SLC9D1: variants seen among roughly 807,000 people sequenced by gnomAD.
The protein encoded by SLC9D1 is putative LAG1-interacting protein.
the SLC9D1 span, chr13:113,498,746 A>G: frequency 3.3e-5 from 13 of 390,388 alleles, no homozygotes; most frequent in East Asian, 7.7e-4. Flanking sequence ...TCCCCTCCTC[A>G]GCAGCTTGTC....
the SLC9D1 span, among the ~76,000 whole-genome samples, chr13:113,517,141 G>A: frequency 2.6e-5 from 4 of 152,218 alleles, no homozygotes; most frequent in African/African-American, 9.6e-5. Flanking sequence ...CCAGGCAAGA[G>A]GCCAGGAGTG....
chr13:113,495,711 A>T, the SLC9D1 span: 29 of 1,613,320 alleles, frequency 1.8e-5, no homozygotes, highest in Non-Finnish European at 2.2e-5. Context: ...GGTGGCTGCC[A>T]TGCAGAGCCG....
chr13:113,518,135 A>G, the SLC9D1 span, among the ~76,000 whole-genome samples: 403 of 152,370 alleles, frequency 2.6e-3, 2 homozygotes, highest in Non-Finnish European at 3.6e-3. Flanking sequence ...GAAAGATGAC[A>G]ATAGTGAAAG....
chr13:113,504,512 A>G, the SLC9D1 span: 1 of 152,182 alleles, frequency 6.6e-6, no homozygotes, highest in African/African-American at 2.4e-5. Context: ...CCAAGTCCGC[A>G]GAGTCCAGTG....
chr13:113,549,488 G>C, the SLC9D1 span: 1 of 1,614,166 alleles, frequency 6.2e-7, no homozygotes, highest in East Asian at 2.2e-5. Context: ...GCTGTGGAGA[G>C]CTGCAATCAC....
chr13:113,547,120 C>T, the SLC9D1 span: 10 of 599,420 alleles, frequency 1.7e-5, no homozygotes, highest in Middle Eastern at 4.1e-4. Flanking sequence ...GGCTTTTCCC[C>T]GGTTCGCTCA....
At chr13:113,539,502 C>T in the SLC9D1 span, 1 of 1,611,826 alleles carries the variant, frequency 6.2e-7, no homozygotes, top group Non-Finnish European at 8.5e-7. The surrounding 1 kb of genome is among the most constrained non-coding windows in gnomAD (Gnocchi z 4.8). Flanking sequence ...TTCTTCGCCT[C>T]CATAGGTAAT....
At chr13:113,499,488 A>G in the SLC9D1 span, among the ~76,000 whole-genome samples, 256 of 152,298 alleles carry the variant, frequency 1.7e-3, no homozygotes, top group African/African-American at 5.9e-3. Flanking sequence ...ATAGAAAATG[A>G]TCTTCATCTC....
chr13:113,512,242 G>A, the SLC9D1 span, among the ~76,000 whole-genome samples: 1 of 141,710 alleles, frequency 7.1e-6, no homozygotes, highest in South Asian at 2.3e-4. Flanking sequence ...CGCGGGGGCC[G>A]GGACTGGAGA....
At chr13:113,498,688 C>T in the SLC9D1 span, 2 of 550,312 alleles carry the variant, frequency 3.6e-6, no homozygotes, top group South Asian at 2.7e-5. Context: ...TAGAAGTAAG[C>T]TAATTATCTT....
At chr13:113,508,301 A>G in the SLC9D1 span, among the ~76,000 whole-genome samples, 1 of 152,224 alleles carries the variant, frequency 6.6e-6, no homozygotes, top group African/African-American at 2.4e-5. Context: ...CCTCAACTCC[A>G]TGTGTCCCTT....
the SLC9D1 span, among the ~76,000 whole-genome samples, chr13:113,525,809 G>A: frequency 4.0e-5 from 6 of 148,908 alleles, no homozygotes; most frequent in African/African-American, 1.0e-4. Context: ...ACAAGCCATC[G>A]TCGTCGTAGG....
the SLC9D1 span, among the ~76,000 whole-genome samples, chr13:113,532,238 G>A: frequency 3.3e-5 from 5 of 152,306 alleles, no homozygotes; most frequent in South Asian, 2.1e-4. Context: ...CAAGACATCC[G>A]CAGCAGGGAA....
chr13:113,531,086 G>C, the SLC9D1 span, among the ~76,000 whole-genome samples: 1 of 152,222 alleles, frequency 6.6e-6, no homozygotes, highest in Non-Finnish European at 1.5e-5. Flanking sequence ...GGCTCCCTTA[G>C]TGAGCACCCA....
the SLC9D1 span, among the ~76,000 whole-genome samples, chr13:113,533,658 C>T: frequency 0.013 from 2,002 of 152,296 alleles, 31 homozygotes; most frequent in Non-Finnish European, 0.017. Flanking sequence ...CGCTGGAGTT[C>T]GTCCATCAGG....
the SLC9D1 span, chr13:113,504,994 G>A: frequency 2.2e-4 from 34 of 152,120 alleles, no homozygotes; most frequent in African/African-American, 7.7e-4. Flanking sequence ...TTTTGGTTAC[G>A]GCCATTCTTG....
At chr13:113,502,015 G>T in the SLC9D1 span, 1 of 713,392 alleles carries the variant, frequency 1.4e-6, no homozygotes, top group Non-Finnish European at 2.3e-6. Flanking sequence ...TGTCCTTTCA[G>T]GTGTCACGGG....
At chr13:113,501,527 C>A in the SLC9D1 span, among the ~76,000 whole-genome samples, 1 of 152,136 alleles carries the variant, frequency 6.6e-6, no homozygotes, top group African/African-American at 2.4e-5. Context: ...TGACTGTAAT[C>A]TTTAGGCCAT....
At chr13:113,511,750 C>T in the SLC9D1 span, 1 of 152,326 alleles carries the variant, frequency 6.6e-6, no homozygotes, top group Admixed American at 6.5e-5. Context: ...ATGAAAACAG[C>T]TCCTAGTTTA....
Sources: gnomAD v4.1 joint callset for allele counts (sites outside exome capture counted in the v4.1 genomes callset) on GRCh38, gnomAD v4.1.1 for gene constraint, Gnocchi (gnomAD v3.1) non-coding constraint, MANE v1.5 for transcripts, NCBI Gene and HGNC (gene_info 2026-07-23, HGNC 2026-07-21) for gene names.